Variants in TRAK1 observed in about 807,000 individuals in gnomAD.
The protein encoded by TRAK1 is trafficking kinesin-binding protein 1.
A neutral mutation model predicts 92.1 loss-of-function variants in TRAK1; 33 were observed. The observed-to-expected ratio is 0.36, with a 90% CI of 0.27 to 0.48. TRAK1 has a LOEUF of 0.48. Among genes scored for constraint, TRAK1 ranks in the 20% least tolerant of loss-of-function variants. TRAK1 has a pLI of 0.99. For synonymous variants in TRAK1, 521 were observed against 517.3 expected (o/e 1.01, Z -0.10); for missense variants, 1,123 against 1,257.9 (o/e 0.89, Z 1.62).
At chr3:42,101,632 T>A (rs1378715440) in intron 1 of TRAK1, among the ~76,000 whole-genome samples, 1 of 152,190 alleles carries the variant, frequency 6.6e-6, no homozygotes, top group Non-Finnish European at 1.5e-5. Context: ...CAACTGCTTG[T>A]CTCTGCTGTT....
chr3:42,059,271 T>A (rs75930447), intron 1 of TRAK1, among the ~76,000 whole-genome samples: 13,189 of 152,092 alleles, frequency 0.087, 623 homozygotes, highest in Non-Finnish European at 0.11. Flanking sequence ...TTTTAAAAAA[T>A]TTTTATTAGA....
intron 1 of TRAK1, among the ~76,000 whole-genome samples, chr3:42,075,794 T>G (rs1704128726): frequency 6.6e-6 from 1 of 152,248 alleles, no homozygotes; most frequent in African/African-American, 2.4e-5. Flanking sequence ...TGTCTTCCTT[T>G]GAGAAGTGTC....
At chr3:42,218,463 G>GGA in intron 14 of TRAK1, 1 of 688,390 alleles carries the variant, frequency 1.5e-6, no homozygotes, top group Non-Finnish European at 1.8e-6. Context: ...GGTTGGGTGG[G>GGA]AGAATCATCC....
chr3:42,180,415 T>A (rs536390847), intron 3 of TRAK1, among the ~76,000 whole-genome samples: 1 of 152,082 alleles, frequency 6.6e-6, no homozygotes, highest in South Asian at 2.1e-4. Flanking sequence ...GGAGGATTGC[T>A]TGAGGCCAGA....
At position 42,091,394 on chromosome 3, in the gene TRAK1, C is replaced by T. The variant is rs575038574; in HGVS notation, c.-76C>T. ...AGGAAGGCACGGGAGGGTGGCTGTG[C>T]GAGGTACTGCCGGGGCTGAGCTCTC... is the stretch of plus-strand genomic sequence containing the variant. On this transcript the variant is annotated 5_prime_UTR_variant, in exon 1 of 16. Transcript: ENST00000327628. 53 of 1,356,480 alleles carry T rather than the reference C, an allele frequency of 3.9e-5. No individual in the cohort carries two copies. The highest frequency in any genetic ancestry group is 2.1e-4 in the South Asian group (17 of 80,486). 84.0% of individuals were successfully genotyped at this position (1,356,480 alleles called of 1,614,324 possible). A position where few individuals can be genotyped will look rare whatever the true frequency, so the allele number is the denominator to read the frequency against.
Position 42,041,172 on chromosome 3 carries a change from G to T in TRAK1, c.-519+27055G>T, listed in dbSNP as rs1702526759. Among the ~76,000 whole-genome samples, 4 of 150,378 alleles carry T rather than the reference G, an allele frequency of 2.7e-5. No homozygotes were observed. The South Asian group carries it at 8.4e-4, about 32-fold the overall frequency. On this transcript the variant is annotated intron_variant, in intron 1 of 16. Coordinates refer to the TRAK1 transcript ENST00000487159. ...AAAAAAACGGCTGGGATTTTGGTAGGAGTTGCATTGAATCTGTAGATCAAT... is the reference window on the plus strand; with the variant it reads ...AAAAAAACGGCTGGGATTTTGGTAGTAGTTGCATTGAATCTGTAGATCAAT...
At chr3:42,023,747 T>TTG (rs1701813109) in intron 1 of TRAK1, among the ~76,000 whole-genome samples, 2 of 129,924 alleles carry the variant, frequency 1.5e-5, no homozygotes, top group African/African-American at 6.0e-5. Flanking sequence ...CGTGAGGGTT[T>TTG]TTTTTTTTTT....
chr3:42,024,157 C>G (rs1006832113), intron 1 of TRAK1, among the ~76,000 whole-genome samples: 1 of 152,058 alleles, frequency 6.6e-6, no homozygotes, highest in Non-Finnish European at 1.5e-5. Context: ...GGGACCATTC[C>G]TGTGTAGTGA....
intron 14 of TRAK1, chr3:42,218,151 C>T: frequency 1.0e-6 from 1 of 985,352 alleles, no homozygotes; most frequent in African/African-American, 1.7e-5. Flanking sequence ...CTGGATTTGT[C>T]CTGCCTACCT....
At chr3:42,160,545 A>G in intron 2 of TRAK1, 2 of 1,303,532 alleles carry the variant, frequency 1.5e-6, no homozygotes, top group East Asian at 2.4e-5. Flanking sequence ...TGTTTTGCTG[A>G]TTTCATAGCA....
chr3:42,155,966 C>T (rs1389549357), intron 2 of TRAK1, among the ~76,000 whole-genome samples: 1 of 152,178 alleles, frequency 6.6e-6, no homozygotes, highest in Non-Finnish European at 1.5e-5. Context: ...CCCTCCCCTC[C>T]ACTGGTCTTC....
At chr3:42,019,877 A>G (rs751027081) in intron 1 of TRAK1, among the ~76,000 whole-genome samples, 1 of 152,236 alleles carries the variant, frequency 6.6e-6, no homozygotes, top group Non-Finnish European at 1.5e-5. Flanking sequence ...ATGAGAGCAG[A>G]AACTACCCTT....
At chr3:42,014,053 A>AGCCCCCACCGAG (rs1354447110) in exon 1 of TRAK1, 38 of 149,082 alleles carry the variant, frequency 2.5e-4, no homozygotes, top group African/African-American at 8.5e-4. Context: ...ACGCGGAGGA[A>AGCCCCCACCGAG]GCCCCCACCG....
At chr3:42,177,348 G>A (rs191049214) in intron 3 of TRAK1, among the ~76,000 whole-genome samples, 3 of 152,268 alleles carry the variant, frequency 2.0e-5, no homozygotes, top group Admixed American at 6.5e-5. Flanking sequence ...CTTAAGATTA[G>A]GTGAGCTGCC....
intron 1 of TRAK1, among the ~76,000 whole-genome samples, chr3:42,038,540 C>T (rs906558044): frequency 6.6e-6 from 1 of 152,024 alleles, no homozygotes; most frequent in Admixed American, 6.6e-5. Flanking sequence ...AATCCCAGCA[C>T]TTTGGGAGGC....
chr3:42,050,593 T>C (rs1702940464), intron 1 of TRAK1, among the ~76,000 whole-genome samples: 1 of 152,218 alleles, frequency 6.6e-6, no homozygotes, highest in Non-Finnish European at 1.5e-5. Flanking sequence ...CTTCCAAAAA[T>C]CTGTCAAAAA....
intron 10 of TRAK1, among the ~76,000 whole-genome samples, chr3:42,198,576 C>T (rs958025008): frequency 2.0e-5 from 3 of 152,110 alleles, no homozygotes; most frequent in Non-Finnish European, 4.4e-5. Flanking sequence ...GTGTGACTCA[C>T]GTCACGTCTG....
chr3:42,205,354 A>G (rs1235448038), intron 13 of TRAK1, among the ~76,000 whole-genome samples: 1 of 152,208 alleles, frequency 6.6e-6, no homozygotes, highest in East Asian at 1.9e-4. Context: ...TGAGGTCCCT[A>G]GAGACTGTTG....
At chr3:42,201,526 A>G (rs1291607448) in intron 12 of TRAK1, among the ~76,000 whole-genome samples, 3 of 152,080 alleles carry the variant, frequency 2.0e-5, no homozygotes, top group African/African-American at 7.2e-5. Flanking sequence ...GCCTATGCCT[A>G]TCCTTGATAT....
Sources: gnomAD v4.1 joint callset for allele counts (sites outside exome capture counted in the v4.1 genomes callset) on GRCh38, gnomAD v4.1.1 for gene constraint, MANE v1.5 for transcripts, NCBI Gene and HGNC (gene_info 2026-07-23, HGNC 2026-07-21) for gene names.